The following SCN4B variants were observed in gnomAD, a reference collection of about 807,000 sequenced individuals.
The protein encoded by SCN4B is sodium channel regulatory subunit beta-4.
In SCN4B, 20 loss-of-function variants were observed where a neutral mutation model predicts 19.6. The observed-to-expected ratio is 1.02, with a 90% CI of 0.72 to 1.48. The LOEUF is 1.48. Ranked by LOEUF, SCN4B falls within the 40% of genes most tolerant of loss-of-function variation. SCN4B has a pLI of 0.00. For synonymous variants in SCN4B, 127 were observed against 122.8 expected, an observed-to-expected ratio of 1.03 and a Z score of -0.22; for missense variants, 271 against 287.5, an observed-to-expected ratio of 0.94 and a Z score of 0.42.
At chr11:118,144,228 G>A (rs751301946) in intron 2 of SCN4B, among the ~76,000 whole-genome samples, 167 bp from the exon 3 acceptor site, 2 of 152,098 alleles carry the variant, frequency 1.3e-5, no homozygotes, top group African/African-American at 2.4e-5. Flanking sequence ...CTCTTCCAGC[G>A]TCAATAGCTC....
chr11:118,145,188 C>T lies in SCN4B; in HGVS notation c.103G>A (p.Val35Met), dbSNP rs1322792651. 57 of 1,613,202 alleles carry T rather than the reference C, an allele frequency of 3.5e-5. No individual in the cohort carries two copies. Among genetic ancestry groups the T allele is most frequent in the Non-Finnish European group, 4.8e-5 (57 of 1,179,768 alleles). The change falls in exon 2 of 5, where the codon GTG becomes ATG. Residue 35 changes from valine (V) to methionine (M), a missense_variant. Coordinates refer to ENST00000324727, the MANE Select transcript of SCN4B (RefSeq NM_174934.4). The part of the protein sequence containing the change: ...LPVTLSLEVS[V>M]GKATDIYAVN... Reference sequence around the variant, plus strand: ...GCGTAGATGTCGGTGGCCTTTCCCACAGACACCTCCAGCGACAGGGTTACG... The same window carrying T: ...GCGTAGATGTCGGTGGCCTTTCCCATAGACACCTCCAGCGACAGGGTTACG...
intron 4 of SCN4B, among the ~76,000 whole-genome samples, chr11:118,137,541 G>T (rs535083648): frequency 2.9e-4 from 44 of 152,254 alleles, no homozygotes; most frequent in Admixed American, 7.2e-4. Flanking sequence ...CGTGGTGGCA[G>T]GCGCCTATAG....
rs1464573601 is a variant in SCN4B at position 118,148,400 on chromosome 11, A to G, written c.62-3171T>C. Among the ~76,000 whole-genome samples, 2 of 152,216 alleles carry G rather than the reference A, an allele frequency of 1.3e-5. No individual in the cohort carries two copies. The highest frequency in any genetic ancestry group is 4.8e-5 in the African/African-American group (2 of 41,452). On this transcript the variant is annotated intron_variant, in intron 1 of 4. Coordinates refer to ENST00000324727, the MANE Select transcript of SCN4B (RefSeq NM_174934.4). The surrounding 1 kb of genome is among the most constrained non-coding windows in gnomAD (Gnocchi z 4.0). ...GGGAACCAGGGGCAGGTGTTGGTCC[A>G]CAAAGGCCGCCGGAGGGCTGCTTCA...
rs1573577 is a variant in SCN4B, at chr11:118,137,026, C to A, written c.*1G>T. 1 of 1,609,716 alleles carries A rather than the reference C, an allele frequency of 6.2e-7. No homozygotes were observed. The highest frequency in any genetic ancestry group is 1.1e-5 in the South Asian group (1 of 90,960). ...TGCAGCTGCTCAGCCCGAAGCAGGG[C>A]TCACACTTTTGAAGGTGGTTTCTCC... On this transcript the variant is annotated 3_prime_UTR_variant, in exon 5 of 5. Transcript: ENST00000324727.
intron 1 of SCN4B, among the ~76,000 whole-genome samples, chr11:118,150,852 C>T (rs1227602596): frequency 6.6e-6 from 1 of 152,162 alleles, no homozygotes; most frequent in Non-Finnish European, 1.5e-5. Context: ...TGGTCAAGGG[C>T]CAAAGGGACT....
In SCN4B at chr11:118,141,145, G is replaced by A. The variant is rs12804550; in HGVS notation, c.593+62C>T. On this transcript the variant is annotated intron_variant, in intron 4 of 4. Transcript: ENST00000324727. ...GGCAGGTGGAAGGCTGAAAGCTGGT[G>A]GGGGTAGATGAGAGGGTGGTGGGCT... The A allele has an allele frequency of 0.18, 290,529 of 1,602,686 alleles. 27,056 individuals carry two copies. The highest frequency in any genetic ancestry group is 0.26 in the Middle Eastern group (1,234 of 4,754).
At chr11:118,141,161 G>T in intron 4 of SCN4B, 46 bp downstream of exon 4, 1 of 1,611,288 alleles carries the variant, frequency 6.2e-7, no homozygotes. Flanking sequence ...AGATGAGAGG[G>T]TGGTGGGCTG....
In SCN4B at chr11:118,136,293, A is replaced by T. The variant is rs1294701035; in HGVS notation, c.*734T>A. The T allele has an allele frequency of 4.4e-6, 2 of 453,760 alleles. No individual in the cohort carries two copies. Among genetic ancestry groups the T allele is most frequent in the Admixed American group, 4.7e-5 (2 of 42,538 alleles). 28.1% of individuals were successfully genotyped at this position (453,760 alleles called of 1,614,324 possible). On this transcript the variant is annotated 3_prime_UTR_variant, in exon 5 of 5. Coordinates refer to ENST00000324727, the MANE Select transcript of SCN4B (RefSeq NM_174934.4). ...TAGGGAGCACTCGGGTACTCCAGGA[A>T]GGCTCGAGGGGCCCCTTCCTGAGCC...
At chr11:118,138,860 G>A (rs535544391) in intron 4 of SCN4B, among the ~76,000 whole-genome samples, 2 of 152,174 alleles carry the variant, frequency 1.3e-5, no homozygotes, top group Non-Finnish European at 2.9e-5. Context: ...CAGCACCCAC[G>A]TTTCAGAATC....
chr11:118,152,735 T>C lies in SCN4B; in HGVS notation c.-62A>G. On this transcript the variant is annotated 5_prime_UTR_variant, in exon 1 of 5. Coordinates refer to ENST00000324727, the MANE Select transcript of SCN4B (RefSeq NM_174934.4). ...GATGGGATACTGGGCACAGCCGCGC[T>C]CTCCGCCCGAGGTCGGCGTTCGGCC... 1.5e-6 allele frequency: 2 copies of C among 1,362,278 alleles called. No homozygotes were observed. Among genetic ancestry groups the C allele is most frequent in the Non-Finnish European group, 2.0e-6 (2 of 994,966 alleles). 84.4% of individuals were successfully genotyped at this position (1,362,278 alleles called of 1,614,324 possible).
chr11:118,144,952 C>G (rs1948149813), intron 2 of SCN4B, 105 bp downstream of exon 2: 2 of 1,164,418 alleles, frequency 1.7e-6, no homozygotes, highest in Admixed American at 1.7e-5. Context: ...AAGGTGGGTT[C>G]TGGGGACCAT....
intron 1 of SCN4B, among the ~76,000 whole-genome samples, chr11:118,150,054 T>C (rs2135508843): frequency 6.6e-6 from 1 of 152,346 alleles, no homozygotes; most frequent in South Asian, 2.1e-4. Flanking sequence ...CACCCTCTCC[T>C]TAATTGCATT....
chr11:118,139,159 A>C (rs1948063842), intron 4 of SCN4B, among the ~76,000 whole-genome samples: 1 of 152,046 alleles, frequency 6.6e-6, no homozygotes, highest in South Asian at 2.1e-4. Flanking sequence ...CCCCTTCTGC[A>C]GGCTTTTATT....
At position 118,148,353 on chromosome 11, in the gene SCN4B, G is replaced by A. The variant is rs1052531929; in HGVS notation, c.62-3124C>T. Among the ~76,000 whole-genome samples the A allele has an allele frequency of 1.3e-5, 2 of 152,202 alleles. No individual in the cohort carries two copies. Among genetic ancestry groups the A allele is most frequent in the Admixed American group, 1.3e-4 (2 of 15,276 alleles). Reference sequence around the variant, plus strand: ...TCCCATTGAACTCAGTGTCTCCTATGAGGCTGCTCTGGGGGAGAGGGGGGA... The same window carrying A: ...TCCCATTGAACTCAGTGTCTCCTATAAGGCTGCTCTGGGGGAGAGGGGGGA... On this transcript the variant is annotated intron_variant, in intron 1 of 4. Coordinates refer to ENST00000324727, the MANE Select transcript of SCN4B (RefSeq NM_174934.4). This position sits in a 1 kb window ranked among gnomAD's most constrained non-coding sequence, Gnocchi z 4.0.
Position 118,135,187 on chromosome 11 carries a change from G to A in SCN4B, c.*1840C>T, listed in dbSNP as rs1472981308. On this transcript the variant is annotated 3_prime_UTR_variant, in exon 5 of 5. Transcript: ENST00000324727. ...TGAGCCCCAGCCCATGACAGGTTCT[G>A]GGTAGAGAAGAATGGGAGGCGCACA... The A allele has an allele frequency of 2.2e-6, 1 of 453,968 alleles. No individual in the cohort carries two copies. Among genetic ancestry groups the A allele is most frequent in the Non-Finnish European group, 4.4e-6 (1 of 226,766 alleles). The allele number at this position is 453,968 out of a possible 1,614,324, so 28.1% of individuals were successfully genotyped here.
Position 118,139,930 on chromosome 11 carries a change from C to T in SCN4B, c.593+1277G>A, listed in dbSNP as rs531261543. Reference sequence around the variant, plus strand: ...TTTCTTTTTTTTTTTAAGAGACGAGCTCTTGCTAAGTTGCCCAGGCTGGAC... The same window carrying T: ...TTTCTTTTTTTTTTTAAGAGACGAGTTCTTGCTAAGTTGCCCAGGCTGGAC... On this transcript the variant is annotated intron_variant, in intron 4 of 4. Transcript: ENST00000324727. 3.6e-5 allele frequency among the ~76,000 whole-genome samples: 5 copies of T among 137,634 alleles called. No individual in the cohort carries two copies. The East Asian group carries it at 1.1e-3, about 31-fold the overall frequency. 90.3% of individuals were successfully genotyped at this position (137,634 alleles called of 152,430 possible).
intron 1 of SCN4B, chr11:118,145,658 C>T: frequency 2.9e-6 from 1 of 342,468 alleles, no homozygotes; most frequent in Non-Finnish European, 5.6e-6. Flanking sequence ...GTACGCGCCT[C>T]TCGCCAGGTT....
intron 3 of SCN4B, 90 bp downstream of exon 3, chr11:118,143,742 CG>C (rs759481839): frequency 5.6e-5 from 48 of 861,946 alleles, no homozygotes; most frequent in Non-Finnish European, 8.9e-5. Context: ...AACACCAACA[CG>C]GTCCATTTTG....
chr11:118,135,610 C>T lies in SCN4B; in HGVS notation c.*1417G>A, dbSNP rs549766687. 4 of 454,144 alleles carry T rather than the reference C, an allele frequency of 8.8e-6. No individual in the cohort carries two copies. The highest frequency in any genetic ancestry group is 6.2e-5 in the South Asian group (4 of 64,466). The allele number at this position is 454,144 out of a possible 1,614,324, so 28.1% of individuals were successfully genotyped here. A position where few individuals can be genotyped will look rare whatever the true frequency, so the allele number is the denominator to read the frequency against. On this transcript the variant is annotated 3_prime_UTR_variant, in exon 5 of 5. Coordinates refer to ENST00000324727, the MANE Select transcript of SCN4B (RefSeq NM_174934.4). ...CAGGCTAGAAACCCCAATGGGAGCA[C>T]CTGGCCGACATCTCCAAGATTCAGT... is the stretch of plus-strand genomic sequence containing the variant.
Sources: allele counts gnomAD v4.1 joint callset (sites outside exome capture counted in the v4.1 genomes callset), GRCh38; gene constraint gnomAD v4.1.1; non-coding constraint Gnocchi (gnomAD v3.1); transcripts MANE v1.5; gene names NCBI Gene and HGNC (gene_info 2026-07-23, HGNC 2026-07-21).